The following PKHD1L1 variants were observed in gnomAD, a reference collection of about 807,000 sequenced individuals.
PKHD1L1 encodes PKHD1 like 1.
Under a neutral mutation model 462.9 loss-of-function variants are expected in PKHD1L1, and 434 were observed. The ratio of observed to expected loss-of-function variants is 0.94; its 90% CI spans 0.87 to 1.02. PKHD1L1 has a LOEUF of 1.02. PKHD1L1 is among the 50% of genes least tolerant of loss of function. PKHD1L1 has a pLI of 0.00. For synonymous variants in PKHD1L1, 1,781 were observed against 1,750.0 expected (o/e 1.02, Z -0.44); for missense variants, 5,202 against 5,096.1 (o/e 1.02, Z -0.63).
intron 76 of PKHD1L1, 68 bp downstream of exon 76, chr8:109,523,454 T>G (rs1370082550): frequency 7.1e-7 from 1 of 1,408,770 alleles, no homozygotes; most frequent in Non-Finnish European, 9.7e-7. Context: ...GTTCTTTTAA[T>G]GAACAAAGCA....
Position 109,532,919 on chromosome 8 carries a change from A to C in PKHD1L1, c.*2829A>C, listed in dbSNP as rs554753667. On this transcript the variant is annotated 3_prime_UTR_variant, in exon 78 of 78. Coordinates refer to ENST00000378402, the MANE Select transcript of PKHD1L1 (RefSeq NM_177531.6). ...ATCACATGTTCACTACATGCCAGACACTATGCTGTGTGTTCTACATGGACC... is the reference window on the plus strand; with the variant it reads ...ATCACATGTTCACTACATGCCAGACCCTATGCTGTGTGTTCTACATGGACC... 1.9e-4 allele frequency among the ~76,000 whole-genome samples: 29 copies of C among 152,328 alleles called. No individual in the cohort carries two copies. Among genetic ancestry groups the C allele is most frequent in the African/African-American group, 6.3e-4 (26 of 41,564 alleles).
intron 50 of PKHD1L1, among the ~76,000 whole-genome samples, chr8:109,472,453 C>T (rs1436740132): frequency 6.6e-6 from 1 of 152,072 alleles, no homozygotes. Flanking sequence ...GAATTTATAA[C>T]ATTTTAGCTT....
intron 58 of PKHD1L1, among the ~76,000 whole-genome samples, chr8:109,485,675 A>T (rs981543052): frequency 6.6e-6 from 1 of 151,962 alleles, no homozygotes; most frequent in Non-Finnish European, 1.5e-5. Context: ...CCCATTTGGC[A>T]TGGTACCTTC....
chr8:109,445,168 A>T lies in PKHD1L1; in HGVS notation c.5299A>T (p.Ile1767Phe). ...NSVIGSVKVL[I>F]EGEGLGTVLE... Reference sequence around the variant, plus strand: ...TGTCATAGGATCTGTAAAAGTTCTTATTGAAGGAGAAGGTTTGGGGACTGT... The same window carrying T: ...TGTCATAGGATCTGTAAAAGTTCTTTTTGAAGGAGAAGGTTTGGGGACTGT... Residue 1767 changes from isoleucine (I) to phenylalanine (F), a missense_variant, in exon 38 of 78, where the codon ATT becomes TTT. By Grantham distance (21) the Ile-to-Phe change is conservative (BLOSUM62 0). Around this residue, in one of 3 missense-constraint regions of PKHD1L1, gnomAD observed 4,497 missense variants for 4,336.8 expected, o/e 1.04. Coordinates refer to ENST00000378402, the MANE Select transcript of PKHD1L1 (RefSeq NM_177531.6). 6.2e-7 allele frequency: 1 copy of T among 1,613,932 alleles called. No homozygotes were observed. Among genetic ancestry groups the T allele is most frequent in the East Asian group, 2.2e-5 (1 of 44,880 alleles).
At chr8:109,399,655 A>G (rs1177806430) in intron 12 of PKHD1L1, among the ~76,000 whole-genome samples, 1 of 152,158 alleles carries the variant, frequency 6.6e-6, no homozygotes, top group Non-Finnish European at 1.5e-5. Flanking sequence ...CCATTAATTT[A>G]CTTTTGTTAG....
chr8:109,383,893 C>T lies in PKHD1L1; in HGVS notation c.418-177C>T, dbSNP rs1461256199. On this transcript the variant is annotated intron_variant, in intron 4 of 77. Coordinates refer to ENST00000378402, the MANE Select transcript of PKHD1L1 (RefSeq NM_177531.6). Reference sequence around the variant, plus strand: ...CCACAGCTATTAAGAAGCAAAACCACGATGATCCTATCCTCTAATTTAACT... The same window carrying T: ...CCACAGCTATTAAGAAGCAAAACCATGATGATCCTATCCTCTAATTTAACT... Among the ~76,000 whole-genome samples the T allele has an allele frequency of 4.6e-5, 7 of 152,126 alleles. No homozygotes were observed. The South Asian group carries it at 6.2e-4, about 13-fold the overall frequency.
chr8:109,392,974 A>G (rs552029304), intron 9 of PKHD1L1, among the ~76,000 whole-genome samples: 22 of 152,294 alleles, frequency 1.4e-4, no homozygotes, highest in African/African-American at 3.8e-4. Flanking sequence ...AGTGAAAATA[A>G]CCTCAGTGTC....
At chr8:109,461,735 CA>C (rs752854669) in intron 47 of PKHD1L1, 36 bp from the exon 48 acceptor site, 99 of 1,530,308 alleles carry the variant, frequency 6.5e-5, no homozygotes, top group African/African-American at 4.5e-4. Flanking sequence ...AGGATTCCGA[CA>C]ATTTTTTTAA....
chr8:109,384,081 T>G lies in PKHD1L1; in HGVS notation c.429T>G (p.Phe143Leu), dbSNP rs779060929. Residue 143 changes from phenylalanine (F) to leucine (L), a missense_variant, in exon 5 of 78, where the codon TTT becomes TTG. By Grantham distance (22) the Phe-to-Leu change is conservative. Coordinates refer to ENST00000378402, the MANE Select transcript of PKHD1L1 (RefSeq NM_177531.6). ...TATTCTTTTTACAGGCAAAAAGTTT[T>G]AGAACCCCAACAATAAGAAGCATCA... ...SWECTFNAKS[F>L]RTPTIRSITP... The G allele has an allele frequency of 3.1e-6, 5 of 1,609,686 alleles. No individual in the cohort carries two copies. The highest frequency in any genetic ancestry group is 3.3e-5 in the Admixed American group (2 of 59,954).
At position 109,451,064 on chromosome 8, in the gene PKHD1L1, C is replaced by G. The variant is rs1816464229; in HGVS notation, c.6265C>G (p.Leu2089Val). The G allele has an allele frequency of 6.2e-7, 1 of 1,613,698 alleles. No individual in the cohort carries two copies. ...GACTCCGTTTACGTACGCAGTGTCA[C>G]TGACTCCACTCATCACTGCAGTATC... ...SMTPFTYAVS[L>V]TPLITAVSPK... Residue 2089 changes from leucine to valine, a missense_variant, in exon 41 of 78, where the codon CTG becomes GTG. Physicochemically the swap from Leu to Val is conservative, Grantham distance 32. This residue lies in a region of PKHD1L1 where 4,497 missense variants were observed against 4,336.8 expected (regional missense o/e 1.04). Transcript: ENST00000378402.
chr8:109,482,534 T>C (rs1392244144), intron 56 of PKHD1L1, among the ~76,000 whole-genome samples: 3 of 151,790 alleles, frequency 2.0e-5, no homozygotes, highest in African/African-American at 7.2e-5. Context: ...ATTGTTCCTT[T>C]CATAAAACAT....
intron 24 of PKHD1L1, among the ~76,000 whole-genome samples, chr8:109,426,722 T>G (rs1239516417): frequency 1.3e-5 from 2 of 152,170 alleles, no homozygotes; most frequent in African/African-American, 4.8e-5. Flanking sequence ...GGCACGATCT[T>G]GGACACTACA....
At chr8:109,481,343 G>GCTTC (rs1586598406) in intron 55 of PKHD1L1, 90 bp from the exon 56 acceptor site, 2 of 1,198,616 alleles carry the variant, frequency 1.7e-6, no homozygotes, top group East Asian at 5.5e-5. Flanking sequence ...TTTTTACTAG[G>GCTTC]CTTCCAGTGA....
intron 22 of PKHD1L1, among the ~76,000 whole-genome samples, chr8:109,419,768 ATAAAAAT>A (rs1329490609): frequency 3.9e-5 from 6 of 152,194 alleles, no homozygotes; most frequent in Admixed American, 3.9e-4. Context: ...TGTAATAATA[ATAAAAAT>A]TAAACTCCAC....
At chr8:109,519,668 A>G (rs1423530778) in intron 73 of PKHD1L1, among the ~76,000 whole-genome samples, 1 of 152,088 alleles carries the variant, frequency 6.6e-6, no homozygotes, top group Non-Finnish European at 1.5e-5. Flanking sequence ...TGAAGCTTAC[A>G]CTTCAAGCCC....
chr8:109,498,873 A>ATC, intron 67 of PKHD1L1, 102 bp downstream of exon 67: 1 of 1,052,638 alleles, frequency 9.5e-7, no homozygotes, highest in Non-Finnish European at 1.4e-6. Context: ...GATTTAAGTG[A>ATC]ATTTTTATAG....
At chr8:109,413,748 C>G (rs1337633497) in intron 21 of PKHD1L1, among the ~76,000 whole-genome samples, 1 of 151,912 alleles carries the variant, frequency 6.6e-6, no homozygotes, top group African/African-American at 2.4e-5. Context: ...AAAGAAATCT[C>G]TAGATTATGA....
At chr8:109,501,564 A>G (rs189930689) in intron 67 of PKHD1L1, among the ~76,000 whole-genome samples, 3 of 152,338 alleles carry the variant, frequency 2.0e-5, no homozygotes, top group South Asian at 2.1e-4. Flanking sequence ...ATGGTAGTAT[A>G]CTAAAGACTA....
intron 65 of PKHD1L1, among the ~76,000 whole-genome samples, 158 bp downstream of exon 65, chr8:109,497,430 C>CTTTTT (rs11475834): frequency 4.4e-5 from 5 of 113,522 alleles, no homozygotes; most frequent in Non-Finnish European, 5.4e-5. Context: ...AAAAACCGTT[C>CTTTTT]TTTTTTTTTT....
Sources: allele counts gnomAD v4.1 joint callset (sites outside exome capture counted in the v4.1 genomes callset), GRCh38; gene constraint gnomAD v4.1.1; regional missense constraint gnomAD v4.1.1; transcripts MANE v1.5; gene names NCBI Gene and HGNC (gene_info 2026-07-23, HGNC 2026-07-21).